EMG1: variants seen among roughly 807,000 people sequenced by gnomAD.
The protein encoded by EMG1 is EMG1 N1-specific pseudouridine methyltransferase, also known as ribosomal RNA small subunit methyltransferase NEP1.
Under a neutral mutation model 26.9 loss-of-function variants are expected in EMG1, and 24 were observed. The ratio of observed to expected loss-of-function variants is 0.89; its 90% CI spans 0.65 to 1.26. The LOEUF is 1.26. Among genes scored for constraint, EMG1 ranks in the 50% most tolerant of loss-of-function variants. The probability of loss-of-function intolerance (pLI) is 0.00; values close to 1 mark genes in which losing one functional copy is unlikely to be tolerated. For missense variants in EMG1, 299 were observed against 307.6 expected, an observed-to-expected ratio of 0.97 and a Z score of 0.21; for synonymous variants, 140 against 112.6, an observed-to-expected ratio of 1.24 and a Z score of -1.54.
downstream of EMG1, among the ~76,000 whole-genome samples, chr12:6,988,893 G>T (rs1304029527): frequency 6.6e-6 from 1 of 152,126 alleles, no homozygotes; most frequent in African/African-American, 2.4e-5. Flanking sequence ...TTGGGAGGCC[G>T]AGGCAGGCGG....
In EMG1 at chr12:6,970,949, A is replaced by C; in HGVS notation, c.26A>C (p.Lys9Thr). The stretch of plus-strand genomic sequence containing the variant: ...ATGGCCGCGCCCAGTGATGGATTCA[A>C]GCCTCGTGAACGAAGCGGTGGGGAG... MAAPSDGF[K>T]PRERSGGEQA... Residue 9 changes from lysine to threonine, a missense_variant, in exon 1 of 6, where the codon AAG (lysine) becomes ACG (threonine). By Grantham distance (78) the Lys-to-Thr change is moderately conservative. Coordinates refer to ENST00000599672, the MANE Select transcript of EMG1 (RefSeq NM_006331.8). The C allele has an allele frequency of 3.7e-6, 6 of 1,613,178 alleles. No individual in the cohort carries two copies. Among genetic ancestry groups the C allele is most frequent in the Non-Finnish European group, 5.1e-6 (6 of 1,179,498 alleles).
downstream of EMG1, chr12:6,983,643 A>C (rs966146962): frequency 9.9e-6 from 7 of 706,340 alleles, no homozygotes; most frequent in Non-Finnish European, 1.7e-5. Context: ...GGGAGAGAGA[A>C]AAAAAAAACA....
chr12:6,979,196 C>T lies in EMG1; in HGVS notation c.*3387C>T, dbSNP rs935172276. ...GAAGCTGCTGTGCTCTGAGGGGTCACGTGGATGTGATAAGGCAAGCTAGGA... is the reference window on the plus strand; with the variant it reads ...GAAGCTGCTGTGCTCTGAGGGGTCATGTGGATGTGATAAGGCAAGCTAGGA... On this transcript the variant is annotated 3_prime_UTR_variant, in exon 6 of 6. Coordinates refer to ENST00000599672, the MANE Select transcript of EMG1 (RefSeq NM_006331.8). 3 of 489,462 alleles carry T rather than the reference C, an allele frequency of 6.1e-6. No homozygotes were observed. The highest frequency in any genetic ancestry group is 1.1e-5 in the Non-Finnish European group (3 of 273,044). 30.3% of individuals were successfully genotyped at this position (489,462 alleles called of 1,614,324 possible). A position where few individuals can be genotyped will look rare whatever the true frequency, so the allele number is the denominator to read the frequency against.
At chr12:6,972,153 G>A (rs782126237) in intron 1 of EMG1, among the ~76,000 whole-genome samples, 2 of 146,636 alleles carry the variant, frequency 1.4e-5, no homozygotes, top group Admixed American at 7.1e-5. Context: ...TGCAGCCTCC[G>A]CCTCCCGGGT....
chr12:6,995,738 A>G (rs1946631018), intron 7 of EMG1, among the ~76,000 whole-genome samples: 1 of 152,104 alleles, frequency 6.6e-6, no homozygotes, highest in Non-Finnish European at 1.5e-5. Context: ...GCTCCTGCTC[A>G]GAAACCATCA....
chr12:6,978,097 T>C lies in EMG1; in HGVS notation c.*2288T>C, dbSNP rs1377552509. 10 of 566,546 alleles carry C rather than the reference T, an allele frequency of 1.8e-5. No individual in the cohort carries two copies. In the Admixed American group the frequency reaches 2.3e-4, roughly 13 times the overall value. The allele number at this position is 566,546 out of a possible 1,614,324, so 35.1% of individuals were successfully genotyped here. On this transcript the variant is annotated 3_prime_UTR_variant, in exon 6 of 6. Coordinates refer to ENST00000599672, the MANE Select transcript of EMG1 (RefSeq NM_006331.8). The stretch of plus-strand genomic sequence containing the variant: ...CAGGGCAGTGGAGGACATAAGTCCA[T>C]TGGCAGAGCTGGAGTAACACCCAGG...
intron 3 of EMG1, 97 bp from the exon 4 acceptor site, chr12:6,974,993 G>A (rs1946375952): frequency 1.6e-6 from 2 of 1,227,850 alleles, no homozygotes; most frequent in African/African-American, 3.0e-5. Flanking sequence ...AAAGCACACA[G>A]GGAACTCATC....
Position 6,977,870 on chromosome 12 carries a change from G to T in EMG1, c.*2061G>T. On this transcript the variant is annotated 3_prime_UTR_variant, in exon 6 of 6. Transcript: ENST00000599672. The surrounding 1 kb of genome is among the most constrained non-coding windows in gnomAD (Gnocchi z 4.5). ...GGTGGGTTCCCACGTGTAGCCCCCA[G>T]AGGGTACAGGAGGCAGTGCTGACTG... 9.3e-7 allele frequency: 1 copy of T among 1,075,080 alleles called. No homozygotes were observed. Among genetic ancestry groups the T allele is most frequent in the Non-Finnish European group, 1.4e-6 (1 of 725,502 alleles). 66.6% of individuals were successfully genotyped at this position (1,075,080 alleles called of 1,614,324 possible). A position where few individuals can be genotyped will look rare whatever the true frequency, so the allele number is the denominator to read the frequency against.
intron 2 of EMG1, 21 bp downstream of exon 2, chr12:6,974,461 C>T (rs782531588): frequency 1.2e-6 from 2 of 1,609,756 alleles, no homozygotes; most frequent in Admixed American, 3.3e-5. Flanking sequence ...GGACAGTGCT[C>T]ACAACCCTTT....
Position 6,979,617 on chromosome 12 carries a change from C to G in EMG1, c.*3808C>G. ...GAGTGAAGTTCCTGGTCACAGAGAG[C>G]AGAGACTATTCCCTTCACCCTCTGA... On this transcript the variant is annotated 3_prime_UTR_variant, in exon 6 of 6. Coordinates refer to ENST00000599672, the MANE Select transcript of EMG1 (RefSeq NM_006331.8). 7.2e-7 allele frequency: 1 copy of G among 1,394,586 alleles called. No homozygotes were observed. The highest frequency in any genetic ancestry group is 1.0e-6 in the Non-Finnish European group (1 of 980,418). The allele number at this position is 1,394,586 out of a possible 1,614,324, so 86.4% of individuals were successfully genotyped here.
downstream of EMG1, among the ~76,000 whole-genome samples, chr12:6,989,728 T>G (rs1329976305): frequency 6.6e-6 from 1 of 152,150 alleles, no homozygotes; most frequent in East Asian, 1.9e-4. Context: ...CAGTTCCAAG[T>G]GCTGTTTGTG....
chr12:6,982,751 A>G, downstream of EMG1: 5 of 1,613,972 alleles, frequency 3.1e-6, no homozygotes, highest in South Asian at 1.1e-5. Flanking sequence ...ACTGAAGCAC[A>G]ATACACAGCA....
chr12:6,983,413 G>A, downstream of EMG1: 1 of 1,515,614 alleles, frequency 6.6e-7, no homozygotes, highest in Non-Finnish European at 9.1e-7. Context: ...CGGTGTCACT[G>A]CTAATTTAGT....
rs1479013549 is a variant in EMG1 at position 6,978,100 on chromosome 12, G to A, written c.*2291G>A. 4.6e-5 allele frequency: 26 copies of A among 567,848 alleles called. No homozygotes were observed. The Admixed American group carries it at 7.6e-4, about 17-fold the overall frequency. 35.2% of individuals were successfully genotyped at this position (567,848 alleles called of 1,614,324 possible). ...GGCAGTGGAGGACATAAGTCCATTGGCAGAGCTGGAGTAACACCCAGGTCT... is the reference window on the plus strand; with the variant it reads ...GGCAGTGGAGGACATAAGTCCATTGACAGAGCTGGAGTAACACCCAGGTCT... On this transcript the variant is annotated 3_prime_UTR_variant, in exon 6 of 6. Transcript: ENST00000599672.
chr12:6,973,018 T>C (rs1161768305), intron 1 of EMG1, among the ~76,000 whole-genome samples: 1 of 151,414 alleles, frequency 6.6e-6, no homozygotes, highest in Non-Finnish European at 1.5e-5. Context: ...TTTTTTTTTT[T>C]TTTGTGAGAC....
downstream of EMG1, among the ~76,000 whole-genome samples, chr12:6,988,709 C>A (rs142974183): frequency 7.9e-3 from 1,210 of 152,236 alleles, 14 homozygotes; most frequent in African/African-American, 0.028. Flanking sequence ...TTCTGACAGC[C>A]CCACTAACAT....
At chr12:6,973,039 C>T (rs946482597) in intron 1 of EMG1, among the ~76,000 whole-genome samples, 12 of 151,340 alleles carry the variant, frequency 7.9e-5, no homozygotes, top group Admixed American at 2.6e-4. Flanking sequence ...AGGGTCCCAC[C>T]GTGTTGCCCA....
downstream of EMG1, chr12:6,982,632 C>A (rs782403359): frequency 7.5e-6 from 11 of 1,462,216 alleles, no homozygotes; most frequent in Middle Eastern, 1.8e-4. Flanking sequence ...GTCCCCTGAA[C>A]CGCTGTCAGC....
intron 1 of EMG1, among the ~76,000 whole-genome samples, chr12:6,972,255 C>T (rs782014442): frequency 1.3e-5 from 2 of 152,114 alleles, no homozygotes; most frequent in East Asian, 3.9e-4. Context: ...ATGATTATAT[C>T]CTACTAATGG....
Sources: allele counts gnomAD v4.1 joint callset (sites outside exome capture counted in the v4.1 genomes callset), GRCh38; gene constraint gnomAD v4.1.1; non-coding constraint Gnocchi (gnomAD v3.1); transcripts MANE v1.5; gene names NCBI Gene and HGNC (gene_info 2026-07-23, HGNC 2026-07-21).